Variants in GDPD5 observed in about 807,000 individuals in gnomAD.
GDPD5 encodes the protein glycerophosphodiester phosphodiesterase 2.
In GDPD5, 48 loss-of-function variants were observed where a neutral mutation model predicts 75.1. The observed-to-expected ratio is 0.64, with a 90% confidence interval of 0.51 to 0.81. The LOEUF is 0.81. GDPD5 is among the 40% of genes least tolerant of loss of function. GDPD5 has a pLI of 0.00. For synonymous variants in GDPD5, 336 were observed against 339.0 expected, an observed-to-expected ratio of 0.99 and a Z score of 0.10; for missense variants, 706 against 822.6, an observed-to-expected ratio of 0.86 and a Z score of 1.73.
intron 9 of GDPD5, chr11:75,448,431 G>A: frequency 1.1e-6 from 1 of 951,860 alleles, no homozygotes; most frequent in Middle Eastern, 5.3e-4. Flanking sequence ...TCCCACAGCT[G>A]GTGAGGAGCT....
chr11:75,472,216 A>G (rs1229329122), intron 3 of GDPD5, among the ~76,000 whole-genome samples: 1 of 152,058 alleles, frequency 6.6e-6, no homozygotes, highest in African/African-American at 2.4e-5. Flanking sequence ...CTGACCTGAG[A>G]TCACACACTC....
chr11:75,439,756 T>C (rs1455031457), intron 15 of GDPD5, 123 bp downstream of exon 15: 2 of 786,886 alleles, frequency 2.5e-6, no homozygotes, highest in Non-Finnish European at 4.4e-6. Flanking sequence ...TCCGTCCTTC[T>C]TCCCTGGTCA....
chr11:75,474,520 A>G (rs937754650), intron 3 of GDPD5, among the ~76,000 whole-genome samples: 1 of 151,668 alleles, frequency 6.6e-6, no homozygotes, highest in African/African-American at 2.4e-5. Context: ...AGGCTCCTCC[A>G]CTCCTCAGAA....
intron 1 of GDPD5, among the ~76,000 whole-genome samples, chr11:75,502,646 C>G (rs1950320760): frequency 6.6e-6 from 1 of 152,182 alleles, no homozygotes; most frequent in African/African-American, 2.4e-5. Context: ...CCACTTGAAT[C>G]TGAGAAGGCT....
intron 1 of GDPD5, among the ~76,000 whole-genome samples, chr11:75,500,446 T>C (rs1950285333): frequency 6.6e-6 from 1 of 152,166 alleles, no homozygotes; most frequent in African/African-American, 2.4e-5. Flanking sequence ...CAGCCACTGA[T>C]TGCCTGGTTG....
chr11:75,435,220 A>C lies in GDPD5; in HGVS notation c.*287T>G. The C allele has an allele frequency of 3.0e-6, 1 of 332,630 alleles. No homozygotes were observed. Among genetic ancestry groups the C allele is most frequent in the Admixed American group, 4.3e-5 (1 of 23,254 alleles). The allele number at this position is 332,630 out of a possible 1,614,324, so 20.6% of individuals were successfully genotyped here. A position where few individuals can be genotyped will look rare whatever the true frequency, so the allele number is the denominator to read the frequency against. ...GACCCATCAAAGCTTCCAGGTCGGG[A>C]TACAGGAGAGGGCCTCAGAAGAGGG... On this transcript the variant is annotated 3_prime_UTR_variant, in exon 17 of 17. Coordinates refer to ENST00000336898, the MANE Select transcript of GDPD5 (RefSeq NM_030792.8).
At chr11:75,465,981 G>A (rs1949507305) in intron 3 of GDPD5, among the ~76,000 whole-genome samples, 1 of 152,250 alleles carries the variant, frequency 6.6e-6, no homozygotes, top group Non-Finnish European at 1.5e-5. Context: ...ATGGCAGCCA[G>A]GGTCCTATGC....
chr11:75,523,367 A>C (rs1032759478), intron 1 of GDPD5, among the ~76,000 whole-genome samples: 3 of 152,202 alleles, frequency 2.0e-5, no homozygotes, highest in Non-Finnish European at 4.4e-5. Context: ...CCTGGTATGC[A>C]GCTGGCACTC....
Position 75,439,941 on chromosome 11 carries a change from G to A in GDPD5, c.1494C>T (p.Leu498=). Residue 498 remains leucine, a synonymous_variant, in exon 15 of 17, where the codon CTC becomes CTT. Coordinates refer to ENST00000336898, the MANE Select transcript of GDPD5 (RefSeq NM_030792.8). ...AGACCAGGTCGGCAGTGACCCACAT[G>A]AGACAGTACTCGTCCGGGGGCTGTG... ...LWIMPPDEYC[L]MWVTADLVSF... 6.2e-7 allele frequency: 1 copy of A among 1,613,948 alleles called. No homozygotes were observed. Among genetic ancestry groups the A allele is most frequent in the African/African-American group, 1.3e-5 (1 of 75,050 alleles).
intron 1 of GDPD5, among the ~76,000 whole-genome samples, chr11:75,518,156 T>C (rs936340948): frequency 6.6e-6 from 1 of 152,178 alleles, no homozygotes; most frequent in Non-Finnish European, 1.5e-5. Flanking sequence ...GTGCTTGCCA[T>C]GTGTGGCCTC....
intron 1 of GDPD5, among the ~76,000 whole-genome samples, chr11:75,495,704 AAC>A (rs1439270676): frequency 6.6e-6 from 1 of 152,230 alleles, no homozygotes; most frequent in East Asian, 1.9e-4. Context: ...TATTTTATTT[AAC>A]AGTCTCCTGG....
intron 3 of GDPD5, among the ~76,000 whole-genome samples, chr11:75,476,758 C>T (rs1387921467): frequency 6.6e-6 from 1 of 152,164 alleles, no homozygotes; most frequent in Non-Finnish European, 1.5e-5. Flanking sequence ...CAGTCTAGGG[C>T]TCTATCCGTC....
chr11:75,458,412 G>A (rs967448745), intron 4 of GDPD5, among the ~76,000 whole-genome samples: 17 of 152,326 alleles, frequency 1.1e-4, no homozygotes, highest in Admixed American at 9.2e-4. Flanking sequence ...GGTGGCTCAC[G>A]CCTGTAATCC....
At chr11:75,498,352 C>T (rs909307871) in intron 1 of GDPD5, among the ~76,000 whole-genome samples, 3 of 152,212 alleles carry the variant, frequency 2.0e-5, no homozygotes, top group Admixed American at 6.5e-5. Flanking sequence ...CCCTGAGCAC[C>T]GTCTATGGAA....
intron 1 of GDPD5, among the ~76,000 whole-genome samples, chr11:75,495,683 AAAATC>A (rs1454393129): frequency 1.3e-5 from 2 of 152,172 alleles, no homozygotes; most frequent in African/African-American, 4.8e-5. Flanking sequence ...GGAAGGAGGG[AAAATC>A]AAATCTATTT....
intron 7 of GDPD5, 26 bp downstream of exon 7, chr11:75,449,859 G>C (rs779890775): frequency 6.2e-7 from 1 of 1,600,726 alleles, no homozygotes; most frequent in South Asian, 1.1e-5. Context: ...TTGTTGTGAG[G>C]GTCCTGGGGG....
chr11:75,462,720 C>T (rs1026136576), intron 4 of GDPD5, 66 bp downstream of exon 4: 1 of 1,253,676 alleles, frequency 8.0e-7, no homozygotes, highest in Non-Finnish European at 1.1e-6. Flanking sequence ...ACTCCAGCCC[C>T]CAGGTCCCAG....
chr11:75,460,524 A>C (rs1949388164), intron 4 of GDPD5, among the ~76,000 whole-genome samples: 1 of 152,046 alleles, frequency 6.6e-6, no homozygotes, highest in Non-Finnish European at 1.5e-5. Flanking sequence ...ACTGCACTGC[A>C]ACCTCCACCT....
At chr11:75,477,590 C>G in intron 3 of GDPD5, 29 bp downstream of exon 3, 1 of 1,444,884 alleles carries the variant, frequency 6.9e-7, no homozygotes, top group South Asian at 1.3e-5. Context: ...CTCACTGGGT[C>G]CCTCTGACCC....
Sources: allele counts gnomAD v4.1 joint callset (sites outside exome capture counted in the v4.1 genomes callset), GRCh38; gene constraint gnomAD v4.1.1; transcripts MANE v1.5; gene names NCBI Gene and HGNC (gene_info 2026-07-23, HGNC 2026-07-21).